The following AUTS2 variants were observed in gnomAD, a reference collection of about 807,000 sequenced individuals.
AUTS2 encodes the protein activator of transcription and developmental regulator AUTS2.
In AUTS2, 17 loss-of-function variants were observed where a neutral mutation model predicts 112.4. That is an observed-to-expected ratio of 0.15 (90% CI 0.10 to 0.23). The LOEUF (loss-of-function observed/expected upper bound fraction) is 0.23, where lower values mean the gene tolerates loss of function less well. Ranked by LOEUF, AUTS2 falls within the 10% of genes least tolerant of loss-of-function variation. AUTS2 has a pLI of 1.00. For missense variants in AUTS2, 1,510 were observed against 1,701.6 expected, an observed-to-expected ratio of 0.89 and a Z score of 1.98; for synonymous variants, 751 against 702.7, an observed-to-expected ratio of 1.07 and a Z score of -1.09.
chr7:70,017,462 C>G lies in AUTS2; in HGVS notation c.523-100670C>G, dbSNP rs1003019485. On this transcript the variant is annotated intron_variant, in intron 2 of 18. Coordinates refer to ENST00000342771, the MANE Select transcript of AUTS2 (RefSeq NM_015570.4). ...AACCTTTAAACATTGCAGTCTTGGC[C>G]ACAGCTGCAGGGCAGAGCAGTGCTC... Among the ~76,000 whole-genome samples the G allele has an allele frequency of 5.9e-5, 9 of 152,312 alleles. No homozygotes were observed. In the East Asian group the frequency reaches 1.7e-3, roughly 29 times the overall value.
At chr7:69,609,420 G>A (rs928615036) in intron 1 of AUTS2, among the ~76,000 whole-genome samples, 9 of 152,050 alleles carry the variant, frequency 5.9e-5, no homozygotes, top group Admixed American at 2.0e-4. Flanking sequence ...TTTCTCTGTA[G>A]GTACATTCAT....
intron 4 of AUTS2, among the ~76,000 whole-genome samples, chr7:70,259,668 T>C (rs1054162961): frequency 1.3e-5 from 2 of 152,228 alleles, no homozygotes; most frequent in Admixed American, 6.5e-5. Context: ...TCTTGACCAC[T>C]TCCTACCAGG....
intron 18 of AUTS2, 78 bp downstream of exon 18, chr7:70,787,509 C>A: frequency 9.5e-7 from 1 of 1,053,002 alleles, no homozygotes; most frequent in Non-Finnish European, 1.4e-6. Flanking sequence ...GGCCGCCCAC[C>A]CTCCCTGTCC....
intron 5 of AUTS2, among the ~76,000 whole-genome samples, chr7:70,674,286 A>T (rs1047582088): frequency 6.6e-6 from 1 of 152,104 alleles, no homozygotes; most frequent in African/African-American, 2.4e-5. Context: ...TCTCTTTTTT[A>T]AAAAAATTCT....
At chr7:70,260,373 AAG>A (rs1787103335) in intron 4 of AUTS2, among the ~76,000 whole-genome samples, 1 of 152,024 alleles carries the variant, frequency 6.6e-6, no homozygotes, top group South Asian at 2.1e-4. Flanking sequence ...CTCAAAAAAA[AAG>A]AAAAAATACT....
At chr7:70,093,519 A>C (rs1804028606) in intron 2 of AUTS2, among the ~76,000 whole-genome samples, 1 of 152,220 alleles carries the variant, frequency 6.6e-6, no homozygotes, top group Non-Finnish European at 1.5e-5. Flanking sequence ...AGCCATCTCT[A>C]GAGGGAAGAA....
At chr7:69,892,095 A>T (rs1287834870) in intron 1 of AUTS2, among the ~76,000 whole-genome samples, 1 of 150,392 alleles carries the variant, frequency 6.6e-6, no homozygotes, top group Non-Finnish European at 1.5e-5. Flanking sequence ...CTGGCCCCAG[A>T]TATCTTCTTT....
chr7:70,781,955 G>C lies in AUTS2; in HGVS notation c.2146+199G>C, dbSNP rs894374714. On this transcript the variant is annotated intron_variant, in intron 15 of 18. Transcript: ENST00000342771. ...TACACTCTCTTTCATTAAAGGAGGA[G>C]GCAGAGATCATCTTTCCCTTACAGG... The C allele has an allele frequency of 1.1e-5, 7 of 626,004 alleles. No individual in the cohort carries two copies. The African/African-American group carries it at 1.3e-4, about 12-fold the overall frequency. 38.8% of individuals were successfully genotyped at this position (626,004 alleles called of 1,614,324 possible).
intron 4 of AUTS2, among the ~76,000 whole-genome samples, chr7:70,196,346 G>C (rs1012828995): frequency 1.3e-5 from 2 of 152,174 alleles, no homozygotes; most frequent in African/African-American, 2.4e-5. Context: ...GAATGGGTGA[G>C]GGAGCTACAG....
intron 2 of AUTS2, among the ~76,000 whole-genome samples, chr7:69,912,294 G>A (rs1284535864): frequency 6.6e-6 from 1 of 152,228 alleles, no homozygotes; most frequent in Middle Eastern, 3.4e-3. Context: ...TTCCCCAGGC[G>A]CCTGAGAGCT....
chr7:69,669,318 T>C (rs995928425), intron 1 of AUTS2, among the ~76,000 whole-genome samples: 7 of 152,178 alleles, frequency 4.6e-5, no homozygotes, highest in Non-Finnish European at 8.8e-5. Context: ...ATTTTAAGAA[T>C]GCATACATGT....
At chr7:69,676,606 C>T (rs2851516) in intron 1 of AUTS2, among the ~76,000 whole-genome samples, 1 of 151,968 alleles carries the variant, frequency 6.6e-6, no homozygotes, top group African/African-American at 2.4e-5. Flanking sequence ...TTAAGTAAGT[C>T]TGACAATTTA....
intron 2 of AUTS2, among the ~76,000 whole-genome samples, chr7:69,921,426 A>C (rs1234960435): frequency 1.3e-5 from 2 of 151,162 alleles, no homozygotes; most frequent in African/African-American, 2.4e-5. Context: ...GAAGGAGAAA[A>C]CCAGACATTT....
intron 2 of AUTS2, among the ~76,000 whole-genome samples, chr7:70,088,487 T>A (rs1369714004): frequency 6.6e-6 from 1 of 151,876 alleles, no homozygotes; most frequent in Non-Finnish European, 1.5e-5. Flanking sequence ...GTTTCTACTC[T>A]TATCGTTGTT....
At chr7:70,707,950 G>A (rs762852636) in intron 6 of AUTS2, among the ~76,000 whole-genome samples, 5 of 152,174 alleles carry the variant, frequency 3.3e-5, no homozygotes, top group East Asian at 3.9e-4. Context: ...TCCGATCTGC[G>A]TCTCTGACCC....
chr7:70,399,809 C>A (rs1284296041), intron 4 of AUTS2, among the ~76,000 whole-genome samples: 1 of 151,988 alleles, frequency 6.6e-6, no homozygotes, highest in Non-Finnish European at 1.5e-5. Flanking sequence ...TGGATTACAG[C>A]TGAGTGTTGG....
intron 2 of AUTS2, among the ~76,000 whole-genome samples, chr7:70,043,853 C>T (rs1801380531): frequency 6.6e-6 from 1 of 152,016 alleles, no homozygotes. Flanking sequence ...AGGTGATCCG[C>T]CCATCTCAGC....
intron 2 of AUTS2, among the ~76,000 whole-genome samples, chr7:69,930,826 CATT>C (rs1373182448): frequency 3.3e-5 from 5 of 152,164 alleles, no homozygotes; most frequent in African/African-American, 1.2e-4. Flanking sequence ...TAAACATCAT[CATT>C]ATTAACTTAC....
intron 1 of AUTS2, among the ~76,000 whole-genome samples, chr7:69,604,809 G>A (rs1223867111): frequency 6.6e-6 from 1 of 152,362 alleles, no homozygotes; most frequent in African/African-American, 2.4e-5. Flanking sequence ...GCCTTTGAAA[G>A]TTAACTTTCT....
Sources: allele counts gnomAD v4.1 joint callset (sites outside exome capture counted in the v4.1 genomes callset), GRCh38; gene constraint gnomAD v4.1.1; transcripts MANE v1.5; gene names NCBI Gene and HGNC (gene_info 2026-07-23, HGNC 2026-07-21).